Variants in MYO1E observed in about 807,000 individuals in gnomAD.
The protein encoded by MYO1E is myosin IE.
Under a neutral mutation model 151.1 loss-of-function variants are expected in MYO1E, and 68 were observed. The ratio of observed to expected loss-of-function variants is 0.45; its 90% CI spans 0.37 to 0.55. MYO1E has a LOEUF of 0.55. Ranked by LOEUF, MYO1E falls within the 20% of genes least tolerant of loss-of-function variation. The pLI is 0.00. For missense variants in MYO1E, 1,363 were observed against 1,389.3 expected (o/e 0.98, Z 0.30); for synonymous variants, 601 against 501.7 (o/e 1.20, Z -2.64).
At chr15:59,201,020 A>C (rs1190672793) in intron 16 of MYO1E, among the ~76,000 whole-genome samples, 1 of 152,198 alleles carries the variant, frequency 6.6e-6, no homozygotes, top group African/African-American at 2.4e-5. Flanking sequence ...TTTTTAAAAA[A>C]ATTATTCTTA....
At position 59,168,648 on chromosome 15, in the gene MYO1E, C is replaced by T. The variant is rs556506108; in HGVS notation, c.2480+3249G>A. On this transcript the variant is annotated intron_variant, in intron 22 of 27. Coordinates refer to ENST00000288235, the MANE Select transcript of MYO1E (RefSeq NM_004998.4). ...TACAACCTCACTCTCCCTGCTTCCA[C>T]TTTAAAATAACTACCAGGCTGGAGT... 2.6e-5 allele frequency among the ~76,000 whole-genome samples: 4 copies of T among 152,120 alleles called. No homozygotes were observed. The South Asian group carries it at 8.3e-4, about 32-fold the overall frequency.
chr15:59,225,051 C>T (rs1173460558), intron 7 of MYO1E, among the ~76,000 whole-genome samples: 4 of 152,256 alleles, frequency 2.6e-5, no homozygotes, highest in African/African-American at 9.6e-5. Flanking sequence ...CCATTGTCCA[C>T]TGAAAGGAAC....
intron 4 of MYO1E, among the ~76,000 whole-genome samples, chr15:59,245,622 A>T (rs2080125161): frequency 6.6e-6 from 1 of 151,664 alleles, no homozygotes; most frequent in Admixed American, 6.5e-5. Context: ...TACTTCAAAT[A>T]AAAAAAGTAG....
chr15:59,247,436 G>C (rs2080136962), intron 4 of MYO1E, among the ~76,000 whole-genome samples: 1 of 152,210 alleles, frequency 6.6e-6, no homozygotes, highest in Admixed American at 6.5e-5. Flanking sequence ...AATTCAAATA[G>C]AGGCTCTGCC....
At chr15:59,220,817 C>G (rs1855244736) in intron 9 of MYO1E, among the ~76,000 whole-genome samples, 1 of 149,998 alleles carries the variant, frequency 6.7e-6, no homozygotes, top group Admixed American at 6.7e-5. Flanking sequence ...CAGCCAGGTG[C>G]AGTGGCTCAA....
At chr15:59,163,016 G>T in intron 23 of MYO1E, 141 bp downstream of exon 23, 3 of 887,328 alleles carry the variant, frequency 3.4e-6, no homozygotes, top group Non-Finnish European at 5.3e-6. Context: ...GTCTTCTGCA[G>T]GCTCTAAGGT....
At chr15:59,191,597 G>A (rs539105268) in intron 17 of MYO1E, among the ~76,000 whole-genome samples, 5 of 152,188 alleles carry the variant, frequency 3.3e-5, no homozygotes, top group African/African-American at 9.6e-5. Flanking sequence ...AAGCAGAAAC[G>A]TTCCTCTCCC....
chr15:59,226,945 T>C (rs775666041), intron 7 of MYO1E, among the ~76,000 whole-genome samples: 1 of 152,248 alleles, frequency 6.6e-6, no homozygotes, highest in Non-Finnish European at 1.5e-5. Flanking sequence ...AACTTTTCAA[T>C]TTGGCATTAA....
At chr15:59,184,762 A>C (rs914658720) in intron 18 of MYO1E, among the ~76,000 whole-genome samples, 4 of 152,192 alleles carry the variant, frequency 2.6e-5, no homozygotes, top group African/African-American at 9.7e-5. Flanking sequence ...GCGTGAACAT[A>C]TCTCTTTGAT....
intron 14 of MYO1E, chr15:59,207,699 G>C (rs2079847868): frequency 1.2e-6 from 2 of 1,614,060 alleles, no homozygotes; most frequent in African/African-American, 1.3e-5. Flanking sequence ...GGAGTGGAGT[G>C]AACATAGCTG....
At chr15:59,335,257 G>C (rs2080721282) in intron 1 of MYO1E, among the ~76,000 whole-genome samples, 1 of 152,056 alleles carries the variant, frequency 6.6e-6, no homozygotes, top group Non-Finnish European at 1.5e-5. Flanking sequence ...GCACCACTTG[G>C]TGGATATATG....
intron 1 of MYO1E, among the ~76,000 whole-genome samples, chr15:59,292,911 C>T (rs776698227): frequency 6.6e-6 from 1 of 152,080 alleles, no homozygotes; most frequent in African/African-American, 2.4e-5. Context: ...GGGGATCTAT[C>T]CCATAGGATT....
At chr15:59,244,439 T>C (rs1233194973) in intron 4 of MYO1E, among the ~76,000 whole-genome samples, 2 of 152,252 alleles carry the variant, frequency 1.3e-5, no homozygotes, top group African/African-American at 4.8e-5. Context: ...TTTCTTTATA[T>C]TCCTTTAAGG....
At chr15:59,218,473 C>T (rs925205797) in intron 9 of MYO1E, among the ~76,000 whole-genome samples, 5 of 152,230 alleles carry the variant, frequency 3.3e-5, no homozygotes, top group Middle Eastern at 3.2e-3. Flanking sequence ...ATTTCTTTGG[C>T]TCCAAATATT....
intron 25 of MYO1E, among the ~76,000 whole-genome samples, chr15:59,157,416 A>G (rs914145602): frequency 2.5e-4 from 38 of 152,174 alleles, no homozygotes; most frequent in African/African-American, 8.9e-4. Context: ...CTCCTTATCC[A>G]TGATTTTGCT....
At chr15:59,365,533 G>C (rs4774327) in intron 1 of MYO1E, among the ~76,000 whole-genome samples, 2 of 151,944 alleles carry the variant, frequency 1.3e-5, no homozygotes, top group African/African-American at 4.8e-5. Flanking sequence ...TCTGGCACCA[G>C]CTCAGCTAAA....
intron 1 of MYO1E, among the ~76,000 whole-genome samples, chr15:59,323,803 G>A (rs549285677): frequency 2.0e-5 from 3 of 152,232 alleles, no homozygotes; most frequent in South Asian, 2.1e-4. Flanking sequence ...AGCAGGCTTG[G>A]GACAAAGGGT....
At position 59,135,307 on chromosome 15, in the gene MYO1E, A is replaced by G. The variant is rs1332078224; in HGVS notation, c.*2073T>C. 6.6e-6 allele frequency: 1 copy of G among 152,246 alleles called. No homozygotes were observed. Among genetic ancestry groups the G allele is most frequent in the Admixed American group, 6.5e-5 (1 of 15,280 alleles). The allele number at this position is 152,246 out of a possible 1,614,324, so 9.4% of individuals were successfully genotyped here. On this transcript the variant is annotated 3_prime_UTR_variant, in exon 28 of 28. Coordinates refer to ENST00000288235, the MANE Select transcript of MYO1E (RefSeq NM_004998.4). The stretch of plus-strand genomic sequence containing the variant: ...ACAAGTGTAAAATGCCAATCAATCA[A>G]TCAGGAGGAAAAACAAAGGCTTGTC...
intron 3 of MYO1E, among the ~76,000 whole-genome samples, chr15:59,260,177 C>G (rs554033660): frequency 6.6e-6 from 1 of 152,268 alleles, no homozygotes; most frequent in African/African-American, 2.4e-5. Context: ...TGGAGAGAAA[C>G]ACACATGCAC....
Sources: allele counts gnomAD v4.1 joint callset (sites outside exome capture counted in the v4.1 genomes callset), GRCh38; gene constraint gnomAD v4.1.1; transcripts MANE v1.5; gene names NCBI Gene and HGNC (gene_info 2026-07-23, HGNC 2026-07-21).